Variants in MRRF observed in about 807,000 individuals in gnomAD.
MRRF encodes ribosome-recycling factor, mitochondrial.
A neutral mutation model predicts 25.1 loss-of-function variants in MRRF; 18 were observed. The ratio of observed to expected loss-of-function variants is 0.72; its 90% CI spans 0.50 to 1.06. The LOEUF is 1.06. Among genes scored for constraint, MRRF ranks in the 50% least tolerant of loss-of-function variants. The pLI, the probability that MRRF is intolerant of heterozygous loss-of-function variation, is 0.00. For synonymous variants in MRRF, 113 were observed against 112.1 expected (o/e 1.01, Z -0.05); for missense variants, 323 against 319.3 (o/e 1.01, Z -0.09).
chr9:122,271,418 A>G (rs1235680830), intron 2 of MRRF, among the ~76,000 whole-genome samples: 1 of 152,232 alleles, frequency 6.6e-6, no homozygotes, highest in African/African-American at 2.4e-5. Context: ...AGGAAGATGC[A>G]TGTTGGAAGT....
intron 5 of MRRF, among the ~76,000 whole-genome samples, chr9:122,311,129 A>G (rs1369620166): frequency 6.6e-6 from 1 of 152,214 alleles, no homozygotes; most frequent in Non-Finnish European, 1.5e-5. Flanking sequence ...GCTCACAGAG[A>G]TTAAGTAACT....
rs1030997239 is a variant in MRRF at position 122,329,839 on chromosome 9, C to T, written c.*7222C>T. 1 of 152,302 alleles carries T rather than the reference C, an allele frequency of 6.6e-6. No individual in the cohort carries two copies. The highest frequency in any genetic ancestry group is 2.4e-5 in the African/African-American group (1 of 41,458). The allele number at this position is 152,302 out of a possible 1,614,324, so 9.4% of individuals were successfully genotyped here. ...TGTGTGAATTCCTGGCAAGAAAGTC[C>T]CCTGCTGTCTTAGTCTGTGCATTCT... On this transcript the variant is annotated 3_prime_UTR_variant, in exon 7 of 7. Transcript: ENST00000344641.
chr9:122,275,802 A>C (rs1832735624), intron 2 of MRRF, among the ~76,000 whole-genome samples: 1 of 152,208 alleles, frequency 6.6e-6, no homozygotes, highest in South Asian at 2.1e-4. Context: ...CACTTTATAC[A>C]CAAACACACA....
At chr9:122,272,929 C>G (rs1279984764) in intron 2 of MRRF, among the ~76,000 whole-genome samples, 1 of 152,086 alleles carries the variant, frequency 6.6e-6, no homozygotes, top group Non-Finnish European at 1.5e-5. Context: ...ATGCCCCGCC[C>G]CATTGTGTGA....
At chr9:122,281,895 A>G (rs1480980626) in intron 3 of MRRF, among the ~76,000 whole-genome samples, 2 of 152,194 alleles carry the variant, frequency 1.3e-5, no homozygotes, top group African/African-American at 2.4e-5. Flanking sequence ...ATTGAGGGAA[A>G]AGGATTTGAT....
intron 2 of MRRF, among the ~76,000 whole-genome samples, chr9:122,272,667 C>G (rs148338458): frequency 2.4e-4 from 36 of 152,262 alleles, no homozygotes; most frequent in Admixed American, 7.2e-4. Flanking sequence ...TAGGGATGCT[C>G]ATTCTTTGTC....
intron 2 of MRRF, among the ~76,000 whole-genome samples, chr9:122,273,824 A>G (rs1227222768): frequency 6.6e-6 from 1 of 152,082 alleles, no homozygotes; most frequent in Non-Finnish European, 1.5e-5. Context: ...GTAATAATCT[A>G]TTTGTGAGAT....
At position 122,276,395 on chromosome 9, in the gene MRRF, A is replaced by G. The variant is rs180691261; in HGVS notation, c.185-4048A>G. Among the ~76,000 whole-genome samples the G allele has an allele frequency of 3.3e-5, 5 of 152,304 alleles. No individual in the cohort carries two copies. In the East Asian group the frequency reaches 9.6e-4, roughly 29 times the overall value. On this transcript the variant is annotated intron_variant, in intron 2 of 6. Transcript: ENST00000344641. The stretch of plus-strand genomic sequence containing the variant: ...AACCTTGAACTCCTGGGCTCAAGTG[A>G]TCCTCTCGCCTTGGCCTTCCAGAGC...
chr9:122,306,525 AAC>A (rs1180767290), intron 5 of MRRF, among the ~76,000 whole-genome samples: 2 of 152,222 alleles, frequency 1.3e-5, no homozygotes, highest in African/African-American at 4.8e-5. Context: ...CTCAAGCCCC[AAC>A]AGTCTGACTT....
At chr9:122,286,112 C>T (rs1833390963) in intron 4 of MRRF, 1 of 1,267,136 alleles carries the variant, frequency 7.9e-7, no homozygotes, top group Non-Finnish European at 1.0e-6. Flanking sequence ...GCTGTTTGAC[C>T]TTGGGCAAGT....
At position 122,326,026 on chromosome 9, in the gene MRRF, T is replaced by C. The variant is rs1284737191; in HGVS notation, c.*3409T>C. The C allele has an allele frequency of 6.7e-6, 1 of 150,046 alleles. No individual in the cohort carries two copies. The highest frequency in any genetic ancestry group is 1.5e-5 in the Non-Finnish European group (1 of 67,654). 9.3% of individuals were successfully genotyped at this position (150,046 alleles called of 1,614,324 possible). A position where few individuals can be genotyped will look rare whatever the true frequency, so the allele number is the denominator to read the frequency against. ...GTTTCCTAGGCTGGTCTCAAACACCTGGCCTCAAGCGGTCCTTCTGCCTCA... is the reference window on the plus strand; with the variant it reads ...GTTTCCTAGGCTGGTCTCAAACACCCGGCCTCAAGCGGTCCTTCTGCCTCA... On this transcript the variant is annotated 3_prime_UTR_variant, in exon 7 of 7. Transcript: ENST00000344641.
At chr9:122,291,271 T>C in intron 4 of MRRF, among the ~76,000 whole-genome samples, 1 of 152,222 alleles carries the variant, frequency 6.6e-6, no homozygotes, top group Admixed American at 6.5e-5. Context: ...CATTCCAAAA[T>C]ATGAGTGAGT....
At chr9:122,295,219 C>T (rs988945057) in intron 5 of MRRF, among the ~76,000 whole-genome samples, 1 of 152,160 alleles carries the variant, frequency 6.6e-6, no homozygotes, top group Non-Finnish European at 1.5e-5. Context: ...TTAGTAAGCA[C>T]CCAATTAATG....
At chr9:122,272,559 G>A (rs974138971) in intron 2 of MRRF, among the ~76,000 whole-genome samples, 12 of 152,086 alleles carry the variant, frequency 7.9e-5, no homozygotes, top group African/African-American at 2.9e-4. Context: ...CAGCTACTCA[G>A]GAGGCTGAAG....
intron 1 of MRRF, chr9:122,265,841 A>G (rs542826492): frequency 4.1e-6 from 4 of 986,942 alleles, no homozygotes; most frequent in African/African-American, 3.3e-5. Context: ...TCTACCTGTT[A>G]AAGTGTCTCA....
At chr9:122,297,672 G>C (rs989938583) in intron 5 of MRRF, among the ~76,000 whole-genome samples, 2 of 152,154 alleles carry the variant, frequency 1.3e-5, no homozygotes, top group African/African-American at 4.8e-5. Context: ...GCTGGGAGTG[G>C]GAAGTGGTGG....
rs974648875 is a variant in MRRF, at chr9:122,325,614, G to A, written c.*2997G>A. 1.3e-5 allele frequency: 2 copies of A among 148,446 alleles called. No individual in the cohort carries two copies. Among genetic ancestry groups the A allele is most frequent in the African/African-American group, 5.0e-5 (2 of 40,000 alleles). 9.2% of individuals were successfully genotyped at this position (148,446 alleles called of 1,614,324 possible). On this transcript the variant is annotated 3_prime_UTR_variant, in exon 7 of 7. Transcript: ENST00000344641. ...AATATTCAGGCCAGAGAGAATTTGA[G>A]AATTTTTTTCCTGTCTGGTGTGTGT...
chr9:122,286,140 C>T, intron 4 of MRRF: 2 of 1,267,712 alleles, frequency 1.6e-6, no homozygotes, highest in African/African-American at 1.5e-5. Context: ...CTCTCTGGGC[C>T]TCCATTTCCT....
intron 5 of MRRF, among the ~76,000 whole-genome samples, chr9:122,297,577 T>C (rs73557020): frequency 0.017 from 2,638 of 152,276 alleles, 74 homozygotes; most frequent in African/African-American, 0.055. Context: ...ATTAACCAGT[T>C]CCCAAGTGTC....
Sources: allele counts gnomAD v4.1 joint callset (sites outside exome capture counted in the v4.1 genomes callset), GRCh38; gene constraint gnomAD v4.1.1; transcripts MANE v1.5; gene names NCBI Gene and HGNC (gene_info 2026-07-23, HGNC 2026-07-21).